CUL5: variants seen among roughly 807,000 people sequenced by gnomAD.
CUL5 encodes cullin-5.
In CUL5, 26 loss-of-function variants were observed where a neutral mutation model predicts 108.8. That is an observed-to-expected ratio of 0.24 (90% CI 0.18 to 0.33). The LOEUF is 0.33. Ranked by LOEUF, CUL5 falls within the 10% of genes least tolerant of loss-of-function variation. The probability of loss-of-function intolerance (pLI) is 1.00; values close to 1 mark genes in which losing one functional copy is unlikely to be tolerated. For synonymous variants in CUL5, 334 were observed against 298.0 expected (o/e 1.12, Z -1.25); for missense variants, 524 against 909.2 (o/e 0.58, Z 5.45).
At position 108,088,637 on chromosome 11, in the gene CUL5, T is replaced by C; in HGVS notation, c.1289T>C (p.Ile430Thr). Residue 430 changes from isoleucine (I) to threonine (T), a missense_variant, in exon 12 of 19, where the codon ATT (isoleucine) becomes ACT (threonine). Coordinates refer to ENST00000393094, the MANE Select transcript of CUL5 (RefSeq NM_003478.6). ...AGCAAAAAACTAACCTCTGAAGAGA[T>C]TGAAGCAAAGCTTAAAGAAGTGGTA... is the stretch of plus-strand genomic sequence containing the variant. ...PLSKKLTSEE[I>T]EAKLKEVLLV... 1.3e-6 allele frequency: 2 copies of C among 1,595,720 alleles called. No individual in the cohort carries two copies. The highest frequency in any genetic ancestry group is 1.7e-6 in the Non-Finnish European group (2 of 1,174,596).
rs746375475 is a variant in CUL5, at chr11:108,009,319, G to A, written c.-30G>A. 6.2e-7 allele frequency: 1 copy of A among 1,613,016 alleles called. No individual in the cohort carries two copies. The highest frequency in any genetic ancestry group is 1.1e-5 in the South Asian group (1 of 90,892). On this transcript the variant is annotated 5_prime_UTR_variant, in exon 1 of 19. Coordinates refer to ENST00000393094, the MANE Select transcript of CUL5 (RefSeq NM_003478.6). ...GGCCGGGAGCGCCACGAATTCTCGC[G>A]TCGTCTCGCGAGAGTCCAAGTTAAA... is the stretch of plus-strand genomic sequence containing the variant.
rs1864782643 is a variant in CUL5, at chr11:108,105,706, T to C, written c.*1322T>C. On this transcript the variant is annotated 3_prime_UTR_variant, in exon 19 of 19. Transcript: ENST00000393094. ...ACTTGAAAGAGAAAATTGATTCCCC[T>C]TGAGGAAAGAATGGCTCAACGTGGA... The C allele has an allele frequency of 6.6e-6, 1 of 152,120 alleles. No individual in the cohort carries two copies. Among genetic ancestry groups the C allele is most frequent in the Admixed American group, 6.6e-5 (1 of 15,262 alleles). 9.4% of individuals were successfully genotyped at this position (152,120 alleles called of 1,614,324 possible).
At chr11:108,068,670 T>G (rs1248523472) in intron 7 of CUL5, among the ~76,000 whole-genome samples, 1 of 152,206 alleles carries the variant, frequency 6.6e-6, no homozygotes, top group South Asian at 2.1e-4. Flanking sequence ...ATATCAGCCT[T>G]ATTGTACTTA....
intron 11 of CUL5, among the ~76,000 whole-genome samples, chr11:108,081,319 T>G (rs543583166): frequency 1.3e-4 from 20 of 152,096 alleles, no homozygotes; most frequent in Non-Finnish European, 1.8e-4. Flanking sequence ...TTTTATAGTT[T>G]TGACTTTTAC....
chr11:108,067,561 G>A (rs1863717864), intron 7 of CUL5, among the ~76,000 whole-genome samples: 1 of 149,570 alleles, frequency 6.7e-6, no homozygotes, highest in Admixed American at 6.6e-5. Context: ...TTTTAAACCT[G>A]GTCACAGCCA....
chr11:108,023,093 A>G (rs1862366544), intron 1 of CUL5, among the ~76,000 whole-genome samples: 1 of 152,160 alleles, frequency 6.6e-6, no homozygotes, highest in Admixed American at 6.5e-5. Flanking sequence ...TACTAAAAAA[A>G]ATAGCCGGGC....
chr11:108,049,488 C>T (rs959525859), intron 3 of CUL5, among the ~76,000 whole-genome samples: 5 of 151,682 alleles, frequency 3.3e-5, no homozygotes, highest in East Asian at 3.9e-4. Context: ...ACCACAGGCA[C>T]GCACCAACAC....
intron 13 of CUL5, among the ~76,000 whole-genome samples, chr11:108,093,348 G>T (rs1864403816): frequency 6.6e-6 from 1 of 152,076 alleles, no homozygotes; most frequent in Admixed American, 6.6e-5. Context: ...ATTTTTGCCA[G>T]GATCACTTCT....
At chr11:108,073,238 A>C (rs1475715644) in intron 9 of CUL5, 152 bp from the exon 10 acceptor site, 1 of 506,568 alleles carries the variant, frequency 2.0e-6, no homozygotes, top group Non-Finnish European at 3.5e-6. Context: ...AAGAAGTGGC[A>C]AAACAGTAAT....
At chr11:108,051,353 G>A (rs1408451170) in intron 4 of CUL5, among the ~76,000 whole-genome samples, 1 of 152,136 alleles carries the variant, frequency 6.6e-6, no homozygotes, top group Admixed American at 6.5e-5. Flanking sequence ...CACAGTTTTT[G>A]GATTCAAATC....
At chr11:108,019,607 A>G (rs1006559511) in intron 1 of CUL5, among the ~76,000 whole-genome samples, 19 of 152,214 alleles carry the variant, frequency 1.2e-4, no homozygotes, top group African/African-American at 4.1e-4. Flanking sequence ...GCAATAACAC[A>G]TCACTCGTGT....
Position 108,094,801 on chromosome 11 carries a change from C to T in CUL5, c.1568-11C>T. The T allele has an allele frequency of 6.5e-7, 1 of 1,539,440 alleles. No homozygotes were observed. The highest frequency in any genetic ancestry group is 1.3e-5 in the South Asian group (1 of 79,302). ...TAATTTACTTTATATTCCTGATATT[C>T]TTCTCTATAGCTGATTCAGTTAATA... On this transcript the variant is annotated splice_polypyrimidine_tract_variant and intron_variant, in intron 14 of 18. Coordinates refer to ENST00000393094, the MANE Select transcript of CUL5 (RefSeq NM_003478.6).
intron 2 of CUL5, 36 bp downstream of exon 2, chr11:108,033,947 G>T: frequency 1.6e-6 from 2 of 1,263,424 alleles, no homozygotes; most frequent in Non-Finnish European, 2.3e-6. Context: ...CTAGCATAAA[G>T]GAAATTTTAG....
chr11:108,053,567 C>T (rs1179865196), intron 5 of CUL5, among the ~76,000 whole-genome samples: 1 of 151,968 alleles, frequency 6.6e-6, no homozygotes, highest in African/African-American at 2.4e-5. Flanking sequence ...AAATAGTCGT[C>T]TTATAATCAT....
chr11:108,079,164 T>A (rs1192694179), intron 11 of CUL5, among the ~76,000 whole-genome samples: 1 of 152,152 alleles, frequency 6.6e-6, no homozygotes, highest in Non-Finnish European at 1.5e-5. Context: ...AGTGCAGTGG[T>A]ACGACCTCAG....
rs149564386 is a variant in CUL5, at chr11:108,037,653, G to C, written c.134+3742G>C. On this transcript the variant is annotated intron_variant, in intron 2 of 18. Coordinates refer to ENST00000393094, the MANE Select transcript of CUL5 (RefSeq NM_003478.6). ...ACACATATAAAATATTGTCTACCAG[G>C]GAAGCTAATTAGGGGCTCAGCACCC... is the stretch of plus-strand genomic sequence containing the variant. 2.8e-3 allele frequency among the ~76,000 whole-genome samples: 425 copies of C among 152,286 alleles called. 2 individuals are homozygous for C. Among genetic ancestry groups the C allele is most frequent in the Admixed American group, 4.8e-3 (73 of 15,302 alleles).
intron 18 of CUL5, among the ~76,000 whole-genome samples, chr11:108,102,638 A>G (rs558967241): frequency 5.9e-5 from 9 of 152,222 alleles, no homozygotes; most frequent in Admixed American, 5.9e-4. Context: ...GCTGGTTATC[A>G]TATCTATATA....
At position 108,054,927 on chromosome 11, in the gene CUL5, C is replaced by G; in HGVS notation, c.752C>G (p.Thr251Arg). ...EEKRALRYLE[T>R]RRECNSVEAL... ...AAACGAGCACTACGTTATTTAGAAA[C>G]AAGACGAGAATGTAACTCCGTTGAA... Residue 251 changes from threonine to arginine, a missense_variant, in exon 7 of 19, where the codon ACA becomes AGA. Thr to Arg is a moderately conservative substitution (Grantham distance 71, BLOSUM62 -1). Transcript: ENST00000393094. 6.2e-7 allele frequency: 1 copy of G among 1,607,866 alleles called. No individual in the cohort carries two copies. The highest frequency in any genetic ancestry group is 8.5e-7 in the Non-Finnish European group (1 of 1,178,352).
intron 8 of CUL5, among the ~76,000 whole-genome samples, chr11:108,070,613 A>G (rs997416682): frequency 1.3e-4 from 4 of 30,702 alleles, no homozygotes; most frequent in Non-Finnish European, 2.3e-4. Flanking sequence ...ACTTTATAAG[A>G]TTTCTAAAGG....
Sources: allele counts gnomAD v4.1 joint callset (sites outside exome capture counted in the v4.1 genomes callset), GRCh38; gene constraint gnomAD v4.1.1; transcripts MANE v1.5; gene names NCBI Gene and HGNC (gene_info 2026-07-23, HGNC 2026-07-21).